BTBD16: variants seen among roughly 807,000 people sequenced by gnomAD.
BTBD16 encodes BTB domain containing 16.
A neutral mutation model predicts 67.4 loss-of-function variants in BTBD16; 66 were observed. The ratio of observed to expected loss-of-function variants is 0.98; its 90% CI spans 0.80 to 1.20. The LOEUF (loss-of-function observed/expected upper bound fraction) is 1.20. BTBD16 is among the 50% of genes most tolerant of loss of function. The pLI is 0.00. For missense variants in BTBD16, 634 were observed against 616.0 expected, an observed-to-expected ratio of 1.03 and a Z score of -0.31; for synonymous variants, 242 against 236.4, an observed-to-expected ratio of 1.02 and a Z score of -0.22.
intron 9 of BTBD16, chr10:122,303,602 C>T: frequency 7.6e-6 from 4 of 522,938 alleles, no homozygotes; most frequent in Non-Finnish European, 9.8e-6. Context: ...ATGGCTTTCT[C>T]TATGGTCTAC....
chr10:122,274,551 G>A (rs1351837315), intron 1 of BTBD16, among the ~76,000 whole-genome samples: 3 of 152,132 alleles, frequency 2.0e-5, no homozygotes, highest in African/African-American at 7.2e-5. Flanking sequence ...CAACAGCCCT[G>A]ATAATGTTCA....
chr10:122,314,084 C>T (rs754700108), intron 10 of BTBD16, among the ~76,000 whole-genome samples: 2 of 151,726 alleles, frequency 1.3e-5, no homozygotes, highest in Non-Finnish European at 2.9e-5. Context: ...CAAATTCCAC[C>T]AAAAAAGACA....
At chr10:122,330,743 T>C (rs1034156755) in intron 11 of BTBD16, among the ~76,000 whole-genome samples, 1 of 152,172 alleles carries the variant, frequency 6.6e-6, no homozygotes, top group African/African-American at 2.4e-5. Flanking sequence ...GTTTTGTTTT[T>C]TTGAGATGGA....
intron 9 of BTBD16, among the ~76,000 whole-genome samples, chr10:122,301,849 T>TGGGCA (rs1170751039): frequency 2.0e-5 from 3 of 152,192 alleles, no homozygotes; most frequent in Admixed American, 6.5e-5. Context: ...GGGCTAACGA[T>TGGGCA]GGGCAGGGCA....
In BTBD16 at chr10:122,289,892, C is replaced by A; in HGVS notation, c.386-17C>A. On this transcript the variant is annotated splice_polypyrimidine_tract_variant and intron_variant, in intron 5 of 15. Transcript: ENST00000260723. ...GGTTATCACATCCTGCCATCATCAT[C>A]TCATTTCCTTTACTAGCTCAATCAC... The A allele has an allele frequency of 6.2e-7, 1 of 1,606,356 alleles. No homozygotes were observed. Among genetic ancestry groups the A allele is most frequent in the Non-Finnish European group, 8.5e-7 (1 of 1,173,514 alleles).
chr10:122,294,022 TA>T, intron 7 of BTBD16: 1 of 604,912 alleles, frequency 1.7e-6, no homozygotes, highest in Non-Finnish European at 2.1e-6. Context: ...GCTTTGCAGC[TA>T]ATGAGCCAAA....
intron 10 of BTBD16, among the ~76,000 whole-genome samples, chr10:122,326,785 C>T (rs1284723957): frequency 6.6e-6 from 1 of 152,154 alleles, no homozygotes; most frequent in African/African-American, 2.4e-5. Context: ...GGGTCATGCC[C>T]CAGGGTTTCT....
At chr10:122,273,815 T>A (rs1256847603) in intron 1 of BTBD16, among the ~76,000 whole-genome samples, 1 of 152,242 alleles carries the variant, frequency 6.6e-6, no homozygotes, top group Non-Finnish European at 1.5e-5. Flanking sequence ...ATTGGTTCAC[T>A]AGTTACAACA....
rs757820855 is a variant in BTBD16, at chr10:122,334,928, T to C, written c.1212T>C (p.Phe404=). ...CGATTGCTCTATATGGATTCTTCTT[T>C]AAGATAAAGGGACTCAAACATGATA... is the stretch of plus-strand genomic sequence containing the variant. The part of the protein sequence containing the change: ...SKTIALYGFF[F]KIKGLKHDTT... The change falls in exon 14 of 16, where the codon TTT becomes TTC. Residue 404 remains phenylalanine, a synonymous_variant. Coordinates refer to ENST00000260723, the MANE Select transcript of BTBD16 (RefSeq NM_144587.5). 1.3e-6 allele frequency: 2 copies of C among 1,577,392 alleles called. No homozygotes were observed. Among genetic ancestry groups the C allele is most frequent in the South Asian group, 2.2e-5 (2 of 89,868 alleles).
chr10:122,326,673 G>A (rs1590094198), intron 10 of BTBD16, among the ~76,000 whole-genome samples: 2 of 152,202 alleles, frequency 1.3e-5, no homozygotes, highest in East Asian at 1.9e-4. Flanking sequence ...CTGTCTTTCC[G>A]AGTCTATGGG....
chr10:122,330,958 A>G (rs551250246), intron 11 of BTBD16, among the ~76,000 whole-genome samples: 151 of 152,278 alleles, frequency 9.9e-4, no homozygotes, highest in Admixed American at 2.6e-3. Flanking sequence ...TTTTTAAAAG[A>G]GAATCGATTT....
chr10:122,304,554 T>C (rs1418117206), intron 9 of BTBD16, among the ~76,000 whole-genome samples: 2 of 144,222 alleles, frequency 1.4e-5, no homozygotes, highest in African/African-American at 5.1e-5. Flanking sequence ...GGTATTCTTT[T>C]TTTTTTTTTT....
chr10:122,330,417 A>C (rs1413930636), intron 11 of BTBD16, among the ~76,000 whole-genome samples: 1 of 152,164 alleles, frequency 6.6e-6, no homozygotes, highest in Non-Finnish European at 1.5e-5. Flanking sequence ...TTTTTTGATA[A>C]TATTGTGAGA....
intron 2 of BTBD16, among the ~76,000 whole-genome samples, chr10:122,275,956 A>C (rs1215555600): frequency 3.3e-5 from 5 of 152,232 alleles, no homozygotes; most frequent in African/African-American, 1.2e-4. Context: ...TAAAAAACCC[A>C]AGTGTCCATC....
chr10:122,318,385 T>C (rs2096429905), intron 10 of BTBD16, among the ~76,000 whole-genome samples: 1 of 152,216 alleles, frequency 6.6e-6, no homozygotes, highest in Admixed American at 6.5e-5. Context: ...TTTCTATTCA[T>C]CTTTTCATAG....
intron 7 of BTBD16, among the ~76,000 whole-genome samples, chr10:122,291,894 G>C (rs1035726979): frequency 3.9e-5 from 6 of 152,166 alleles, no homozygotes; most frequent in Admixed American, 3.3e-4. Flanking sequence ...GTGGGGAGGA[G>C]GTGGTGGGGA....
intron 12 of BTBD16, among the ~76,000 whole-genome samples, chr10:122,331,643 A>C (rs1486796967): frequency 6.6e-6 from 1 of 152,176 alleles, no homozygotes; most frequent in Non-Finnish European, 1.5e-5. Context: ...ATTTTTTAAC[A>C]TGTATTTCTT....
chr10:122,290,960 G>A, intron 6 of BTBD16, 120 bp from the exon 7 acceptor site: 3 of 1,384,764 alleles, frequency 2.2e-6, no homozygotes, highest in South Asian at 1.7e-5. Flanking sequence ...CAGGTGAGAG[G>A]TGGCGCATTT....
Position 122,332,445 on chromosome 10 carries a change from G to T in BTBD16, c.1096G>T (p.Gly366Trp), listed in dbSNP as rs2096456659. The change falls in exon 13 of 16, where the codon GGG becomes TGG. Residue 366 changes from glycine to tryptophan, a missense_variant. Coordinates refer to ENST00000260723, the MANE Select transcript of BTBD16 (RefSeq NM_144587.5). Reference sequence around the variant, plus strand: ...TGCATTTTCCTTTCAGCTGGAGAATGGGGGCGACATGGTCCACCTGAAAGA... The same window carrying T: ...TGCATTTTCCTTTCAGCTGGAGAATTGGGGCGACATGGTCCACCTGAAAGA... ...TVNHYHALEN[G>W]GDMVHLKDLN... The T allele has an allele frequency of 6.2e-7, 1 of 1,613,968 alleles. No individual in the cohort carries two copies. Among genetic ancestry groups the T allele is most frequent in the African/African-American group, 1.3e-5 (1 of 75,002 alleles).
Sources: allele counts gnomAD v4.1 joint callset (sites outside exome capture counted in the v4.1 genomes callset), GRCh38; gene constraint gnomAD v4.1.1; transcripts MANE v1.5; gene names NCBI Gene and HGNC (gene_info 2026-07-23, HGNC 2026-07-21).